Variants in MED13L observed in about 807,000 individuals in gnomAD.
The protein encoded by MED13L is mediator complex subunit 13L, also known as mediator of RNA polymerase II transcription subunit 13-like.
In MED13L, 7 loss-of-function variants were observed where a neutral mutation model predicts 220.9. That is an observed-to-expected ratio of 0.03 (90% CI 0.02 to 0.06). MED13L has a LOEUF of 0.06. MED13L is among the 10% of genes least tolerant of loss of function. The probability of loss-of-function intolerance (pLI) is 1.00; values close to 1 mark genes in which losing one functional copy is unlikely to be tolerated. For missense variants in MED13L, 1,965 were observed against 2,760.5 expected, an observed-to-expected ratio of 0.71 and a Z score of 6.46; for synonymous variants, 1,011 against 1,015.2, an observed-to-expected ratio of 1.00 and a Z score of 0.08.
In MED13L at chr12:116,092,505, T is replaced by A. The variant is rs1227370565; in HGVS notation, c.479+4164A>T. 4.6e-5 allele frequency among the ~76,000 whole-genome samples: 7 copies of A among 152,024 alleles called. No homozygotes were observed. The South Asian group carries it at 1.5e-3, about 32-fold the overall frequency. On this transcript the variant is annotated intron_variant, in intron 4 of 30. Transcript: ENST00000281928. ...TGAGGAGATAAAGGGGAGGGGAGGA[T>A]GAAATAAGGAAAGGAAGGGAAAGTT...
chr12:116,088,806 AAAG>A (rs1565871440), intron 4 of MED13L, among the ~76,000 whole-genome samples: 4 of 152,144 alleles, frequency 2.6e-5, no homozygotes, highest in African/African-American at 9.7e-5. Flanking sequence ...AAGAAAAAAA[AAAG>A]GAGAAAAGAA....
At chr12:116,091,144 AT>A (rs1280490893) in intron 4 of MED13L, among the ~76,000 whole-genome samples, 3 of 150,416 alleles carry the variant, frequency 2.0e-5, no homozygotes, top group Admixed American at 2.0e-4. Flanking sequence ...AAAAAAAAGA[AT>A]TAAAAAACAA....
chr12:116,113,151 C>T (rs933689553), intron 2 of MED13L, among the ~76,000 whole-genome samples: 1 of 152,168 alleles, frequency 6.6e-6, no homozygotes, highest in African/African-American at 2.4e-5. Context: ...AAGTCTACCT[C>T]TTCTGAATCA....
intron 14 of MED13L, among the ~76,000 whole-genome samples, chr12:116,002,659 T>A (rs1389973365): frequency 1.3e-5 from 2 of 152,224 alleles, no homozygotes; most frequent in East Asian, 3.8e-4. Context: ...CACAGTCTTA[T>A]AATAGAGTAT....
At chr12:116,093,744 A>T (rs1872437985) in intron 4 of MED13L, among the ~76,000 whole-genome samples, 1 of 152,054 alleles carries the variant, frequency 6.6e-6, no homozygotes. Context: ...TATACTTAGA[A>T]ATAAGAGCTT....
At position 116,237,529 on chromosome 12, in the gene MED13L, T is replaced by C. The variant is rs138672862; in HGVS notation, c.249A>G (p.Leu83=). 9 of 1,614,070 alleles carry C rather than the reference T, an allele frequency of 5.6e-6. No individual in the cohort carries two copies. In the African/African-American group the frequency reaches 6.7e-5, roughly 12 times the overall value. The change falls in exon 2 of 31, where the codon TTA becomes TTG. Residue 83 remains leucine (L), a synonymous_variant. Transcript: ENST00000281928. ...RRDVKPDCKE[L]WIFWWGDEPN... is the part of the protein sequence containing the mutation. ...GTTCATCTCCCCACCAGAATATCCA[T>C]AACTCTTTGCAATCTGGTTTGACAT...
In MED13L at chr12:116,175,550, C is replaced by G. The variant is rs546187439; in HGVS notation, c.310+61918G>C. 2.6e-5 allele frequency among the ~76,000 whole-genome samples: 4 copies of G among 152,188 alleles called. No homozygotes were observed. The South Asian group carries it at 8.3e-4, about 32-fold the overall frequency. On this transcript the variant is annotated intron_variant, in intron 2 of 30. Transcript: ENST00000281928. ...TAAAATGGAGTTCAGTTTCTGAACC[C>G]AGGAATATTGAGACCTTAACTTTTA...
chr12:115,988,246 AAC>A (rs879443542), intron 17 of MED13L, among the ~76,000 whole-genome samples: 2 of 152,200 alleles, frequency 1.3e-5, no homozygotes, highest in Non-Finnish European at 1.5e-5. Context: ...AAATCAGTAA[AAC>A]ACAGGTTGCA....
rs745505181 is a variant in MED13L, at chr12:116,012,904, A to G, written c.1176-3T>C. ...TTGGAGTTGACATTTGGCTCCTCCT[A>G]AAAGGGTTAAAAATGTGACTTATGT... On this transcript the variant is annotated splice_polypyrimidine_tract_variant and splice_region_variant and intron_variant, in intron 8 of 30. Coordinates refer to ENST00000281928, the MANE Select transcript of MED13L (RefSeq NM_015335.5). The G allele has an allele frequency of 6.2e-7, 1 of 1,602,522 alleles. No individual in the cohort carries two copies. Among genetic ancestry groups the G allele is most frequent in the Admixed American group, 1.7e-5 (1 of 59,986 alleles).
At chr12:116,231,863 AGGAGTGGAGAAG>A (rs1330042485) in intron 2 of MED13L, among the ~76,000 whole-genome samples, 1 of 152,152 alleles carries the variant, frequency 6.6e-6, no homozygotes, top group Non-Finnish European at 1.5e-5. Context: ...AAAAGCTAGG[AGGAGTGGAGAAG>A]CTAGGTTCTT....
chr12:116,160,585 T>TA (rs113005311), intron 2 of MED13L, among the ~76,000 whole-genome samples: 18,910 of 139,576 alleles, frequency 0.14, 1,488 homozygotes, highest in South Asian at 0.2. Context: ...AACTTTAATT[T>TA]AAAAAAAAAA....
At chr12:116,267,608 G>C (rs1872929273) in intron 1 of MED13L, among the ~76,000 whole-genome samples, 1 of 152,166 alleles carries the variant, frequency 6.6e-6, no homozygotes, top group African/African-American at 2.4e-5. Context: ...ACTATTACGT[G>C]ATCATACTAG....
rs1465147911 is a variant in MED13L at position 116,246,646 on chromosome 12, T to A, written c.73-8941A>T. Among the ~76,000 whole-genome samples the A allele has an allele frequency of 2.1e-5, 3 of 145,934 alleles. No homozygotes were observed. The Admixed American group carries it at 2.1e-4, about 10-fold the overall frequency. The stretch of plus-strand genomic sequence containing the variant: ...AAGACAGCAAGACCTTGTCTCTATA[T>A]ACAGACTGACAGACACAGCTGAAGC... On this transcript the variant is annotated intron_variant, in intron 1 of 30. Transcript: ENST00000281928.
At chr12:116,242,386 A>T (rs1029028933) in intron 1 of MED13L, among the ~76,000 whole-genome samples, 1 of 152,158 alleles carries the variant, frequency 6.6e-6, no homozygotes, top group African/African-American at 2.4e-5. Context: ...TCTACAACAC[A>T]AAATTCTTTA....
At chr12:116,215,947 C>G (rs558863052) in intron 2 of MED13L, among the ~76,000 whole-genome samples, 1 of 152,350 alleles carries the variant, frequency 6.6e-6, no homozygotes, top group South Asian at 2.1e-4. Context: ...TAATGGTCTA[C>G]TGAATGGTGG....
At chr12:116,256,924 C>G (rs1234066791) in intron 1 of MED13L, among the ~76,000 whole-genome samples, 1 of 152,102 alleles carries the variant, frequency 6.6e-6, no homozygotes, top group Non-Finnish European at 1.5e-5. Flanking sequence ...GACCGCCCAC[C>G]TCGGCCTCCC....
chr12:116,037,877 A>C (rs1160251228), intron 4 of MED13L, among the ~76,000 whole-genome samples: 2 of 152,204 alleles, frequency 1.3e-5, no homozygotes, highest in Non-Finnish European at 2.9e-5. Context: ...GTAAAAACTA[A>C]TATAATTTTC....
intron 4 of MED13L, among the ~76,000 whole-genome samples, chr12:116,053,106 CTATG>C (rs2137593760): frequency 6.6e-6 from 1 of 152,198 alleles, no homozygotes; most frequent in East Asian, 1.9e-4. Flanking sequence ...GTGTCATGCA[CTATG>C]TAAGAAAGCA....
At chr12:115,962,560 T>C (rs1273531324) in intron 30 of MED13L, 2 of 152,218 alleles carry the variant, frequency 1.3e-5, no homozygotes, top group Non-Finnish European at 2.9e-5. Context: ...TAACTATAAT[T>C]ATACATTAAT....
Sources: allele counts gnomAD v4.1 joint callset (sites outside exome capture counted in the v4.1 genomes callset), GRCh38; gene constraint gnomAD v4.1.1; transcripts MANE v1.5; gene names NCBI Gene and HGNC (gene_info 2026-07-23, HGNC 2026-07-21).